PPP1R3B: variants seen among roughly 807,000 people sequenced by gnomAD.
The protein encoded by PPP1R3B is protein phosphatase 1 regulatory subunit 3B, also known as PP1 subunit R4.
A neutral mutation model predicts 14.6 loss-of-function variants in PPP1R3B; 8 were observed. The ratio of observed to expected loss-of-function variants is 0.55; its 90% confidence interval spans 0.32 to 0.99. The LOEUF (loss-of-function observed/expected upper bound fraction) is 0.99. Ranked by LOEUF, PPP1R3B falls within the 50% of genes least tolerant of loss-of-function variation. The pLI is 0.04. For synonymous variants in PPP1R3B, 169 were observed against 142.0 expected (o/e 1.19, Z -1.35); for missense variants, 452 against 360.1 (o/e 1.26, Z -2.07).
chr8:9,144,170 A>C (rs916694161), intron 1 of PPP1R3B, among the ~76,000 whole-genome samples: 2 of 151,750 alleles, frequency 1.3e-5, no homozygotes, highest in Non-Finnish European at 2.9e-5. Context: ...AATTGAAAAG[A>C]TAATACAAGT....
chr8:9,138,252 A>T lies in PPP1R3B; in HGVS notation c.*2542T>A, dbSNP rs1434435414. ...CATTTAAAGTACTGTCTGTTACCCG[A>T]TGTCTGGTATGTTTACATAAAACGT... On this transcript the variant is annotated 3_prime_UTR_variant, in exon 2 of 2. Coordinates refer to ENST00000310455, the MANE Select transcript of PPP1R3B (RefSeq NM_024607.4). The T allele has an allele frequency of 6.6e-6, 1 of 152,230 alleles. No individual in the cohort carries two copies. The highest frequency in any genetic ancestry group is 2.4e-5 in the African/African-American group (1 of 41,460). 9.4% of individuals were successfully genotyped at this position (152,230 alleles called of 1,614,324 possible).
intron 1 of PPP1R3B, among the ~76,000 whole-genome samples, chr8:9,145,804 A>C (rs1801224274): frequency 6.6e-6 from 1 of 152,172 alleles, no homozygotes; most frequent in African/African-American, 2.4e-5. Flanking sequence ...AATGAACCTA[A>C]AAAAAATCCT....
At chr8:9,147,195 C>G (rs565857706) in intron 1 of PPP1R3B, among the ~76,000 whole-genome samples, 1 of 152,140 alleles carries the variant, frequency 6.6e-6, no homozygotes, top group East Asian at 1.9e-4. Flanking sequence ...TTAGTAGAGA[C>G]GGGGTTTCAC....
chr8:9,150,667 C>T (rs188182343), upstream of PPP1R3B: 331 of 152,536 alleles, frequency 2.2e-3, no homozygotes, highest in Non-Finnish European at 4.3e-3. Context: ...GTCCGGGAGG[C>T]AGGGCCTGGG....
rs1260917516 is a variant in PPP1R3B at position 9,139,347 on chromosome 8, C to G, written c.*1447G>C. On this transcript the variant is annotated 3_prime_UTR_variant, in exon 2 of 2. Transcript: ENST00000310455. ...GTATAAGAACTTGGGTGAGGTTTTT[C>G]TCCCCTATCTCTTTACATACACACC... 64 of 152,174 alleles carry G rather than the reference C, an allele frequency of 4.2e-4. No individual in the cohort carries two copies. The highest frequency in any genetic ancestry group is 4.2e-3 in the Admixed American group (64 of 15,280). 9.4% of individuals were successfully genotyped at this position (152,174 alleles called of 1,614,324 possible).
At chr8:9,150,958 C>T (rs1199696524), upstream of PPP1R3B, among the ~76,000 whole-genome samples, 1 of 152,220 alleles carries the variant, frequency 6.6e-6, no homozygotes, top group Non-Finnish European at 1.5e-5. Context: ...AAGCTCCAAA[C>T]CCCACTACCC....
chr8:9,149,085 C>G (rs1471342236), intron 1 of PPP1R3B, among the ~76,000 whole-genome samples: 1 of 146,674 alleles, frequency 6.8e-6, no homozygotes, highest in African/African-American at 2.5e-5. Context: ...CCCAGCTACT[C>G]AGGAGGCCGA....
In PPP1R3B at chr8:9,141,231, T is replaced by C; in HGVS notation, c.421A>G (p.Lys141Glu). 6.2e-7 allele frequency: 1 copy of C among 1,614,240 alleles called. No individual in the cohort carries two copies. The highest frequency in any genetic ancestry group is 1.1e-5 in the South Asian group (1 of 91,092). ...ACAGTGCCTGCAATGGCCTTGTCCT[T>C]GAGCACACAGTTCTCAAGGCAGACG... ...DHVCLENCVL[K>E]DKAIAGTVKV... The change falls in exon 2 of 2, where the codon AAG becomes GAG. Residue 141 changes from lysine (K) to glutamate (E), a missense_variant. Physicochemically the swap from Lys to Glu is moderately conservative, Grantham distance 56 (BLOSUM62 1). Transcript: ENST00000310455.
chr8:9,141,594 C>T lies in PPP1R3B; in HGVS notation c.58G>A (p.Glu20Lys), dbSNP rs889253785. 1.9e-6 allele frequency: 3 copies of T among 1,614,078 alleles called. No homozygotes were observed. The highest frequency in any genetic ancestry group is 2.5e-6 in the Non-Finnish European group (3 of 1,180,036). Residue 20 changes from glutamate to lysine, a missense_variant, in exon 2 of 2, where the codon GAG becomes AAG. Glu to Lys is a moderately conservative substitution (Grantham distance 56, BLOSUM62 1). Coordinates refer to ENST00000310455, the MANE Select transcript of PPP1R3B (RefSeq NM_024607.4). Reference protein sequence around the residue: ...YNCMAPSLRQERFAFKISPKP... With the variant: ...YNCMAPSLRQKRFAFKISPKP... ...GGTGAGATCTTAAAGGCAAACCTCT[C>T]TTGGCGCAAGGAAGGAGCCATGCAG...
chr8:9,141,275 T>C lies in PPP1R3B; in HGVS notation c.377A>G (p.Asn126Ser), dbSNP rs201784947. The C allele has an allele frequency of 4.3e-6, 7 of 1,614,148 alleles. No homozygotes were observed. Among genetic ancestry groups the C allele is most frequent in the Non-Finnish European group, 5.1e-6 (6 of 1,180,002 alleles). Reference sequence around the variant, plus strand: ...GCAGACGTGGTCGGCCTGAAGTCGATTTCTAAAGTCTAAGTAATCTGCAGA... The same window carrying C: ...GCAGACGTGGTCGGCCTGAAGTCGACTTCTAAAGTCTAAGTAATCTGCAGA... ...QPSADYLDFR[N>S]RLQADHVCLE... Residue 126 changes from asparagine to serine, a missense_variant, in exon 2 of 2, where the codon AAT (asparagine) becomes AGT (serine). Coordinates refer to ENST00000310455, the MANE Select transcript of PPP1R3B (RefSeq NM_024607.4).
chr8:9,138,870 T>A lies in PPP1R3B; in HGVS notation c.*1924A>T, dbSNP rs1585335777. ...TAAAGCACCCCTAAGTAAACACCAA[T>A]CTTGCCCAAGAAAAATCACAGGTTT... On this transcript the variant is annotated 3_prime_UTR_variant, in exon 2 of 2. Transcript: ENST00000310455. 1 of 151,828 alleles carries A rather than the reference T, an allele frequency of 6.6e-6. No individual in the cohort carries two copies. Among genetic ancestry groups the A allele is most frequent in the Non-Finnish European group, 1.5e-5 (1 of 67,998 alleles). The allele number at this position is 151,828 out of a possible 1,614,324, so 9.4% of individuals were successfully genotyped here.
chr8:9,146,901 C>T (rs148847397), intron 1 of PPP1R3B, among the ~76,000 whole-genome samples: 14 of 152,046 alleles, frequency 9.2e-5, no homozygotes, highest in Non-Finnish European at 1.8e-4. Flanking sequence ...ATTTTAGTTA[C>T]TCTTGTCCTT....
At chr8:9,145,983 C>T (rs1241138969) in intron 1 of PPP1R3B, among the ~76,000 whole-genome samples, 1 of 152,074 alleles carries the variant, frequency 6.6e-6, no homozygotes, top group Admixed American at 6.5e-5. Context: ...AATCCTCCCG[C>T]CTCAGCCTCC....
chr8:9,142,523 AAC>A (rs1230764724), intron 1 of PPP1R3B: 1 of 152,180 alleles, frequency 6.6e-6, no homozygotes, highest in East Asian at 1.9e-4. Flanking sequence ...TTGCAGTGAG[AAC>A]ACTTAAAATC....
At position 9,140,625 on chromosome 8, in the gene PPP1R3B, T is replaced by C; in HGVS notation, c.*169A>G. 1 of 711,802 alleles carries C rather than the reference T, an allele frequency of 1.4e-6. No homozygotes were observed. Among genetic ancestry groups the C allele is most frequent in the Non-Finnish European group, 2.3e-6 (1 of 439,458 alleles). 44.1% of individuals were successfully genotyped at this position (711,802 alleles called of 1,614,324 possible). Reference sequence around the variant, plus strand: ...AGACACTGGTTGTGTAATCTGAACCTGGCTGGATTTGCTGTTTAAGAAAGA... The same window carrying C: ...AGACACTGGTTGTGTAATCTGAACCCGGCTGGATTTGCTGTTTAAGAAAGA... On this transcript the variant is annotated 3_prime_UTR_variant, in exon 2 of 2. Coordinates refer to ENST00000310455, the MANE Select transcript of PPP1R3B (RefSeq NM_024607.4).
intron 1 of PPP1R3B, 87 bp from the exon 2 acceptor site, chr8:9,141,755 C>G: frequency 7.7e-7 from 1 of 1,298,402 alleles, no homozygotes; most frequent in Non-Finnish European, 1.0e-6. Flanking sequence ...CCAGCAGGGA[C>G]TGGCAAACAA....
chr8:9,150,949 A>G (rs543439779), upstream of PPP1R3B, among the ~76,000 whole-genome samples: 1 of 152,336 alleles, frequency 6.6e-6, no homozygotes, highest in South Asian at 2.1e-4. Flanking sequence ...CTTGTCCTTA[A>G]GCTCCAAACC....
intron 1 of PPP1R3B, among the ~76,000 whole-genome samples, chr8:9,143,103 G>A (rs1032618431): frequency 1.3e-5 from 2 of 152,256 alleles, no homozygotes; most frequent in Middle Eastern, 3.4e-3. Context: ...CATAATGGCT[G>A]TACTAATTTA....
intron 1 of PPP1R3B, 22 bp from the exon 2 acceptor site, chr8:9,141,690 A>C: frequency 6.3e-7 from 1 of 1,591,536 alleles, no homozygotes. Flanking sequence ...GAAAGGGAAG[A>C]GAAGAAAGAA....
Sources: allele counts gnomAD v4.1 joint callset (sites outside exome capture counted in the v4.1 genomes callset), GRCh38; gene constraint gnomAD v4.1.1; transcripts MANE v1.5; gene names NCBI Gene and HGNC (gene_info 2026-07-23, HGNC 2026-07-21).